The following CPNE2 variants were observed in gnomAD, a reference collection of about 807,000 sequenced individuals.
CPNE2 encodes the protein copine-2.
A neutral mutation model predicts 69.7 loss-of-function variants in CPNE2; 42 were observed. The observed-to-expected ratio is 0.60, with a 90% confidence interval of 0.47 to 0.78. The LOEUF (loss-of-function observed/expected upper bound fraction) is 0.78. Ranked by LOEUF, CPNE2 falls within the 30% of genes least tolerant of loss-of-function variation. The probability of loss-of-function intolerance (pLI) is 0.00; values close to 1 mark genes in which losing one functional copy is unlikely to be tolerated. For missense variants in CPNE2, 587 were observed against 732.0 expected (o/e 0.80, Z 2.29); for synonymous variants, 294 against 289.8 (o/e 1.01, Z -0.15).
Position 57,119,545 on chromosome 16 carries a change from CCT to C in CPNE2, c.592-11_592-10del. 3.1e-6 allele frequency: 5 copies of C among 1,605,154 alleles called. No homozygotes were observed. Among genetic ancestry groups the C allele is most frequent in the Non-Finnish European group, 3.4e-6 (4 of 1,173,720 alleles). On this transcript the variant is annotated splice_polypyrimidine_tract_variant and intron_variant, in intron 6 of 15. Coordinates refer to ENST00000290776, the MANE Select transcript of CPNE2 (RefSeq NM_152727.6). ...GCCCAGGGCCTGAGCTCACAGCATC[CCT>C]CTCTGTCCCACAGGTGATCAAGTAC...
intron 3 of CPNE2, 39 bp from the exon 4 acceptor site, chr16:57,115,437 C>A (rs577218567): frequency 4.6e-6 from 7 of 1,526,048 alleles, no homozygotes; most frequent in Non-Finnish European, 5.4e-6. Context: ...GGGCTTCCCC[C>A]GCTTCCTCAC....
intron 13 of CPNE2, among the ~76,000 whole-genome samples, chr16:57,135,938 G>A (rs1324263914): frequency 7.2e-6 from 1 of 137,934 alleles, no homozygotes; most frequent in Non-Finnish European, 1.5e-5. Flanking sequence ...AGAGAGAAAG[G>A]AAAGGAAAGG....
At chr16:57,118,678 A>ATGGG (rs2069738389) in intron 5 of CPNE2, among the ~76,000 whole-genome samples, 1 of 151,712 alleles carries the variant, frequency 6.6e-6, no homozygotes, top group African/African-American at 2.4e-5. Flanking sequence ...GGATGGATGG[A>ATGGG]TGGATGGATG....
intron 1 of CPNE2, among the ~76,000 whole-genome samples, chr16:57,110,231 T>C (rs1470069000): frequency 2.0e-4 from 30 of 149,742 alleles, no homozygotes; most frequent in Admixed American, 1.2e-3. Context: ...TTTCTTTTTT[T>C]TTTTTTTTTT....
At chr16:57,122,609 T>C (rs2069771199) in intron 9 of CPNE2, among the ~76,000 whole-genome samples, 1 of 152,250 alleles carries the variant, frequency 6.6e-6, no homozygotes, top group Admixed American at 6.5e-5. Context: ...GTTTTTGTTT[T>C]TGAGACAGAG....
At position 57,110,817 on chromosome 16, in the gene CPNE2, G is replaced by A. The variant is rs898890646; in HGVS notation, c.75G>A (p.Lys25=). The A allele has an allele frequency of 6.2e-7, 1 of 1,614,048 alleles. No homozygotes were observed. The highest frequency in any genetic ancestry group is 8.5e-7 in the Non-Finnish European group (1 of 1,179,958). ...APMGPQYCVC[K]VELSVSGQNL... ...TGGGCCCCCAGTATTGCGTGTGCAAGGTGGAGCTGTCAGTGAGTGGCCAGA... is the reference window on the plus strand; with the variant it reads ...TGGGCCCCCAGTATTGCGTGTGCAAAGTGGAGCTGTCAGTGAGTGGCCAGA... The change falls in exon 2 of 16, where the codon AAG becomes AAA. Residue 25 remains lysine (K), a synonymous_variant. Transcript: ENST00000290776.
intron 6 of CPNE2, 80 bp from the exon 7 acceptor site, chr16:57,119,481 C>G: frequency 7.8e-7 from 1 of 1,281,992 alleles, no homozygotes; most frequent in African/African-American, 1.5e-5. Context: ...ATTTTGTCAC[C>G]CTGTCCCCAT....
At chr16:57,097,881 T>G (rs1479255910) in intron 1 of CPNE2, among the ~76,000 whole-genome samples, 2 of 152,186 alleles carry the variant, frequency 1.3e-5, no homozygotes, top group African/African-American at 4.8e-5. Context: ...GCCACAGCAC[T>G]CCGTGCCTAT....
chr16:57,103,988 C>A (rs937316531), intron 1 of CPNE2, among the ~76,000 whole-genome samples: 2 of 152,200 alleles, frequency 1.3e-5, no homozygotes, highest in Non-Finnish European at 2.9e-5. Context: ...GCAATCTAGG[C>A]TCATTGCAAC....
rs910158644 is a variant in CPNE2 at position 57,130,937 on chromosome 16, G to A, written c.1116+3034G>A. On this transcript the variant is annotated intron_variant, in intron 12 of 15. Coordinates refer to ENST00000290776, the MANE Select transcript of CPNE2 (RefSeq NM_152727.6). This position sits in a 1 kb window ranked among gnomAD's most constrained non-coding sequence, Gnocchi z 4.1. The stretch of plus-strand genomic sequence containing the variant: ...GAGGTGTGGTTGTGGGTAGTCCTGG[G>A]GCAGGAGGCGGGGGCTCCTCATAGA... 2.0e-5 allele frequency among the ~76,000 whole-genome samples: 3 copies of A among 152,124 alleles called. No homozygotes were observed. Among genetic ancestry groups the A allele is most frequent in the Non-Finnish European group, 4.4e-5 (3 of 68,026 alleles).
chr16:57,112,501 C>A (rs2069688052), intron 2 of CPNE2, among the ~76,000 whole-genome samples: 1 of 152,164 alleles, frequency 6.6e-6, no homozygotes, highest in African/African-American at 2.4e-5. Context: ...TCCGTCCCTG[C>A]TGCTCCAGCC....
intron 1 of CPNE2, among the ~76,000 whole-genome samples, chr16:57,097,078 G>T (rs1597487999): frequency 3.3e-5 from 5 of 152,172 alleles, no homozygotes; most frequent in Admixed American, 3.3e-4. Flanking sequence ...AGCTATGGCT[G>T]GGATACAGCC....
chr16:57,107,137 T>A (rs566698406), intron 1 of CPNE2, among the ~76,000 whole-genome samples: 3 of 152,314 alleles, frequency 2.0e-5, no homozygotes, highest in Admixed American at 1.3e-4. Context: ...TGGACATCCC[T>A]GTCTGCCCCC....
intron 3 of CPNE2, among the ~76,000 whole-genome samples, chr16:57,114,323 G>C (rs2069701974): frequency 6.6e-6 from 1 of 152,214 alleles, no homozygotes; most frequent in South Asian, 2.1e-4. Context: ...CTGGAAGGAA[G>C]GCAGGGTGAG....
intron 1 of CPNE2, among the ~76,000 whole-genome samples, chr16:57,093,264 G>C (rs1357589428): frequency 6.8e-6 from 1 of 146,972 alleles, no homozygotes; most frequent in Admixed American, 6.7e-5. Context: ...CCGGAGGGCC[G>C]GCTCCCAGCC....
At chr16:57,124,853 C>G in intron 10 of CPNE2, 1 of 233,408 alleles carries the variant, frequency 4.3e-6, no homozygotes, top group Non-Finnish European at 8.8e-6. Flanking sequence ...TGCCCCCTCC[C>G]CTGCACAGAG....
chr16:57,119,526 G>A lies in CPNE2; in HGVS notation c.592-35G>A, dbSNP rs572179409. 1.9e-4 allele frequency: 301 copies of A among 1,572,190 alleles called. No homozygotes were observed. In the South Asian group the frequency reaches 3.3e-3, roughly 17 times the overall value. On this transcript the variant is annotated intron_variant, in intron 6 of 15. Coordinates refer to ENST00000290776, the MANE Select transcript of CPNE2 (RefSeq NM_152727.6). ...CCAACCCCAGAGCACTGCTGCCCAG[G>A]GCCTGAGCTCACAGCATCCCTCTCT...
intron 11 of CPNE2, 104 bp from the exon 12 acceptor site, chr16:57,127,745 C>G (rs1476362191): frequency 2.6e-6 from 3 of 1,147,274 alleles, no homozygotes; most frequent in South Asian, 1.3e-5. Flanking sequence ...CTCCTCCTTT[C>G]TGTCCTTGGA....
At chr16:57,131,362 C>T (rs1478182247) in intron 12 of CPNE2, among the ~76,000 whole-genome samples, 1 of 152,202 alleles carries the variant, frequency 6.6e-6, no homozygotes, top group Non-Finnish European at 1.5e-5. Flanking sequence ...CCTAGAATTT[C>T]GGGGAGTGGC....
Sources: gnomAD v4.1 joint callset for allele counts (sites outside exome capture counted in the v4.1 genomes callset) on GRCh38, gnomAD v4.1.1 for gene constraint, Gnocchi (gnomAD v3.1) non-coding constraint, MANE v1.5 for transcripts, NCBI Gene and HGNC (gene_info 2026-07-23, HGNC 2026-07-21) for gene names.